The following XKR5 variants were observed in gnomAD, a reference collection of about 807,000 sequenced individuals.
XKR5 encodes XK-related protein 5.
XKR5 carries 46 observed loss-of-function variants against 40.8 expected under a neutral mutation model. The ratio of observed to expected loss-of-function variants is 1.13; its 90% CI spans 0.89 to 1.44. The LOEUF (loss-of-function observed/expected upper bound fraction) is 1.44, where lower values mean the gene tolerates loss of function less well. Among genes scored for constraint, XKR5 ranks in the 40% most tolerant of loss-of-function variants. The probability of loss-of-function intolerance (pLI) is 0.00; values close to 1 mark genes in which losing one functional copy is unlikely to be tolerated. For missense variants in XKR5, 1,169 were observed against 844.7 expected (o/e 1.38, Z -4.76); for synonymous variants, 466 against 356.1 (o/e 1.31, Z -3.48).
At chr8:6,824,695 T>G (rs1354661065) in intron 3 of XKR5, among the ~76,000 whole-genome samples, 2 of 151,272 alleles carry the variant, frequency 1.3e-5, no homozygotes, top group Admixed American at 6.7e-5. Flanking sequence ...CATGCCTGGC[T>G]AATTTTTGTA....
In XKR5 at chr8:6,812,044, C is replaced by T; in HGVS notation, c.1215G>A (p.Trp405Ter). ...VEDSFLSHHH[W>*]LWVKLALKTG... is the part of the protein sequence containing the mutation. ...TTTTTAGGGCAAGTTTCACCCACAG[C>T]CAGTGGTGATGACTGAGGAAAGAGT... Residue 405 changes from tryptophan (W) to a stop codon, truncating the protein, a stop_gained, in exon 7 of 7, where the codon TGG becomes TGA. Transcript: ENST00000618742. LOFTEE classifies it low-confidence loss of function (END_TRUNC). The T allele has an allele frequency of 1.3e-6, 2 of 1,538,542 alleles. No individual in the cohort carries two copies. The highest frequency in any genetic ancestry group is 1.7e-6 in the Non-Finnish European group (2 of 1,146,932).
intron 6 of XKR5, among the ~76,000 whole-genome samples, chr8:6,812,740 C>T (rs1803794033): frequency 2.0e-5 from 3 of 152,092 alleles, no homozygotes; most frequent in South Asian, 2.1e-4. Flanking sequence ...ACTGCAAATT[C>T]GACTGTCAAT....
chr8:6,811,994 G>A lies in XKR5; in HGVS notation c.1265C>T (p.Ala422Val), dbSNP rs1803730963. 1.3e-6 allele frequency: 2 copies of A among 1,537,328 alleles called. No homozygotes were observed. The highest frequency in any genetic ancestry group is 1.4e-5 in the African/African-American group (1 of 73,180). ...LKTGNVSKIN[A>V]AFGDNSPAYC... The stretch of plus-strand genomic sequence containing the variant: ...GGCAGGACTGTTATCTCCAAAGGCG[G>A]CATTGATCTTAGACACATTTCCTGT... The change falls in exon 7 of 7, where the codon GCC (alanine) becomes GTC (valine). Residue 422 changes from alanine to valine, a missense_variant. Physicochemically the swap from Ala to Val is moderately conservative, Grantham distance 64. Coordinates refer to ENST00000618742, the MANE Select transcript of XKR5 (RefSeq NM_207411.5).
rs1229684592 is a variant in XKR5, at chr8:6,811,118, G to A, written c.*80C>T. 3 of 1,364,932 alleles carry A rather than the reference G, an allele frequency of 2.2e-6. No individual in the cohort carries two copies. The highest frequency in any genetic ancestry group is 4.8e-5 in the Admixed American group (2 of 41,256). 84.6% of individuals were successfully genotyped at this position (1,364,932 alleles called of 1,614,324 possible). On this transcript the variant is annotated 3_prime_UTR_variant, in exon 7 of 7. Coordinates refer to ENST00000618742, the MANE Select transcript of XKR5 (RefSeq NM_207411.5). ...GATGTGCCCAAGGACACAGGTGTCA[G>A]AAGTGGGATTTCCTTTCTCACGGTA...
At chr8:6,828,859 T>C (rs902489944) in intron 2 of XKR5, among the ~76,000 whole-genome samples, 3 of 152,236 alleles carry the variant, frequency 2.0e-5, no homozygotes, top group African/African-American at 7.2e-5. Flanking sequence ...AGTTTCTTCA[T>C]GGTCCAGCCC....
chr8:6,823,158 G>A (rs374785118), intron 4 of XKR5, among the ~76,000 whole-genome samples: 12 of 152,130 alleles, frequency 7.9e-5, no homozygotes, highest in African/African-American at 2.9e-4. Flanking sequence ...TGTACTCATC[G>A]GGAGCTGCAG....
At chr8:6,826,334 T>G (rs1346108583) in intron 2 of XKR5, among the ~76,000 whole-genome samples, 1 of 151,994 alleles carries the variant, frequency 6.6e-6, no homozygotes, top group Non-Finnish European at 1.5e-5. Flanking sequence ...AGTGTGAGTG[T>G]GTGTGTGTGC....
At chr8:6,818,646 G>A (rs889226889) in intron 5 of XKR5, among the ~76,000 whole-genome samples, 14 of 152,232 alleles carry the variant, frequency 9.2e-5, no homozygotes, top group Admixed American at 8.5e-4. Context: ...TGTCACCTGT[G>A]GCTGTCTCCA....
In XKR5 at chr8:6,811,277, G is replaced by A; in HGVS notation, c.1982C>T (p.Ser661Phe). ...TTGGATAGACTCAGACTTAGGGGTG[G>A]ACGTGAGGCAGGGCTCATGGGCAGT... is the stretch of plus-strand genomic sequence containing the variant. ...LRTAHEPCLT[S>F]TPKSESIQTD... is the part of the protein sequence containing the mutation. Residue 661 changes from serine (S) to phenylalanine (F), a missense_variant, in exon 7 of 7, where the codon TCC (serine) becomes TTC (phenylalanine). By Grantham distance (155) the Ser-to-Phe change is radical (BLOSUM62 -2). Transcript: ENST00000618742. 3 of 1,537,288 alleles carry A rather than the reference G, an allele frequency of 2.0e-6. No homozygotes were observed. The highest frequency in any genetic ancestry group is 2.6e-6 in the Non-Finnish European group (3 of 1,146,918).
Position 6,833,957 on chromosome 8 carries a change from T to C in XKR5, c.59-1057A>G, listed in dbSNP as rs538815675. Among the ~76,000 whole-genome samples, 3 of 152,324 alleles carry C rather than the reference T, an allele frequency of 2.0e-5. No individual in the cohort carries two copies. In the East Asian group the frequency reaches 5.8e-4, roughly 29 times the overall value. On this transcript the variant is annotated intron_variant, in intron 1 of 6. Coordinates refer to ENST00000618742, the MANE Select transcript of XKR5 (RefSeq NM_207411.5). ...GGTTTGTTTGCTTGTTTGTTTTTGATGGTGGTTACGCAGTGGAGAGAGAAT... is the reference window on the plus strand; with the variant it reads ...GGTTTGTTTGCTTGTTTGTTTTTGACGGTGGTTACGCAGTGGAGAGAGAAT...
chr8:6,821,336 T>C (rs996877325), intron 5 of XKR5, among the ~76,000 whole-genome samples: 1 of 152,240 alleles, frequency 6.6e-6, no homozygotes, highest in Non-Finnish European at 1.5e-5. Context: ...TTTTCTCTCC[T>C]GGCATCTAGC....
chr8:6,830,674 A>C (rs1240228163), intron 2 of XKR5, among the ~76,000 whole-genome samples: 1 of 152,010 alleles, frequency 6.6e-6, no homozygotes, highest in Non-Finnish European at 1.5e-5. Context: ...AGTCATCTTA[A>C]CTTCTTTTTC....
At position 6,832,842 on chromosome 8, in the gene XKR5, G is replaced by C; in HGVS notation, c.117C>G (p.Ala39=). Residue 39 remains alanine, a synonymous_variant, in exon 2 of 7, where the codon GCC becomes GCG. Coordinates refer to ENST00000618742, the MANE Select transcript of XKR5 (RefSeq NM_207411.5). ...TTGRLLWGWL[A]LAVLLPGFLV... is the part of the protein sequence containing the mutation. ...AGAACCCGGGCAGGAGGACAGCAAGGGCCAGCCACCCCCACAGAAGCCGTC... is the reference window on the plus strand; with the variant it reads ...AGAACCCGGGCAGGAGGACAGCAAGCGCCAGCCACCCCCACAGAAGCCGTC... 1.9e-6 allele frequency: 3 copies of C among 1,611,368 alleles called. No individual in the cohort carries two copies. The highest frequency in any genetic ancestry group is 2.5e-6 in the Non-Finnish European group (3 of 1,178,968).
chr8:6,822,062 G>T, intron 4 of XKR5, 24 bp from the exon 5 acceptor site: 2 of 1,587,610 alleles, frequency 1.3e-6, no homozygotes, highest in Non-Finnish European at 1.7e-6. Flanking sequence ...GGGTGCAGAC[G>T]TCAGGGTCCA....
At chr8:6,814,818 C>T (rs1803885936) in intron 6 of XKR5, among the ~76,000 whole-genome samples, 2 of 152,206 alleles carry the variant, frequency 1.3e-5, no homozygotes, top group African/African-American at 2.4e-5. Flanking sequence ...CAGTGTGTGA[C>T]ATTTCTCTGA....
At chr8:6,825,643 C>T (rs934888932) in intron 2 of XKR5, among the ~76,000 whole-genome samples, 29 of 151,942 alleles carry the variant, frequency 1.9e-4, no homozygotes, top group African/African-American at 6.5e-4. Flanking sequence ...CAAGGGAACC[C>T]AGACTGCCAG....
intron 4 of XKR5, among the ~76,000 whole-genome samples, 200 bp from the exon 5 acceptor site, chr8:6,822,238 C>T (rs1804275269): frequency 6.6e-6 from 1 of 152,200 alleles, no homozygotes; most frequent in Admixed American, 6.5e-5. Context: ...CCATTTTATC[C>T]TTATAAAGGG....
In XKR5 at chr8:6,811,491, G is replaced by A; in HGVS notation, c.1768C>T (p.Pro590Ser). Residue 590 changes from proline to serine, a missense_variant, in exon 7 of 7, where the codon CCC (proline) becomes TCC (serine). Transcript: ENST00000618742. ...ATGTCGGCCATGGTGTCGGGGAAGGGCGCCAAGCCCACTGGGTGGGGCGAT... is the reference window on the plus strand; with the variant it reads ...ATGTCGGCCATGGTGTCGGGGAAGGACGCCAAGCCCACTGGGTGGGGCGAT... ...PASPHPVGLA[P>S]FPDTMADISP... 1 of 1,528,338 alleles carries A rather than the reference G, an allele frequency of 6.5e-7. No homozygotes were observed. Among genetic ancestry groups the A allele is most frequent in the South Asian group, 1.2e-5 (1 of 82,462 alleles). The allele number at this position is 1,528,338 out of a possible 1,614,324, so 94.7% of individuals were successfully genotyped here. A position where few individuals can be genotyped will look rare whatever the true frequency, so the allele number is the denominator to read the frequency against.
chr8:6,814,594 A>G (rs1803877002), intron 6 of XKR5, among the ~76,000 whole-genome samples: 1 of 152,186 alleles, frequency 6.6e-6, no homozygotes, highest in African/African-American at 2.4e-5. Flanking sequence ...CCGTTTTGCG[A>G]GATATTACCA....
Sources: allele counts gnomAD v4.1 joint callset (sites outside exome capture counted in the v4.1 genomes callset), GRCh38; gene constraint gnomAD v4.1.1; transcripts MANE v1.5; gene names NCBI Gene and HGNC (gene_info 2026-07-23, HGNC 2026-07-21).